Variants in MEF2C observed in about 807,000 individuals in gnomAD.
MEF2C encodes myocyte-specific enhancer factor 2C.
A neutral mutation model predicts 50.5 loss-of-function variants in MEF2C; 6 were observed. That is an observed-to-expected ratio of 0.12 (90% CI 0.07 to 0.23). The LOEUF is 0.23. MEF2C is among the 10% of genes least tolerant of loss of function. MEF2C has a pLI of 1.00. For synonymous variants in MEF2C, 183 were observed against 228.0 expected (o/e 0.80, Z 1.78); for missense variants, 276 against 605.0 (o/e 0.46, Z 5.70).
intron 3 of MEF2C, among the ~76,000 whole-genome samples, chr5:88,788,474 T>G (rs1792142293): frequency 6.6e-6 from 1 of 151,638 alleles, no homozygotes; most frequent in Non-Finnish European, 1.5e-5. Flanking sequence ...CCTCCCAAAG[T>G]GCTGGGATTA....
chr5:88,873,419 G>A (rs145695351), intron 1 of MEF2C, among the ~76,000 whole-genome samples: 9 of 152,098 alleles, frequency 5.9e-5, no homozygotes, highest in Middle Eastern at 3.4e-3. Context: ...TTGCTTTCAC[G>A]ATACCAAATA....
At chr5:88,800,671 G>C (rs1027390314) in intron 3 of MEF2C, among the ~76,000 whole-genome samples, 12 of 152,144 alleles carry the variant, frequency 7.9e-5, no homozygotes, top group African/African-American at 2.4e-4. Flanking sequence ...GCAGTGAAGG[G>C]GGCAGTTCCT....
At chr5:88,867,962 T>A (rs1243792487) in intron 1 of MEF2C, among the ~76,000 whole-genome samples, 1 of 152,198 alleles carries the variant, frequency 6.6e-6, no homozygotes, top group Non-Finnish European at 1.5e-5. Flanking sequence ...CTGTGAATAA[T>A]ATATATTTTG....
chr5:88,902,257 G>C (rs1003857493), intron 1 of MEF2C, among the ~76,000 whole-genome samples: 3 of 151,520 alleles, frequency 2.0e-5, no homozygotes, highest in African/African-American at 7.3e-5. Flanking sequence ...TCAGGTGTCT[G>C]AATCAATATA....
intron 1 of MEF2C, among the ~76,000 whole-genome samples, chr5:88,879,330 C>T (rs1832084301): frequency 6.6e-6 from 1 of 151,068 alleles, no homozygotes; most frequent in Non-Finnish European, 1.5e-5. Context: ...CTCAAAACAT[C>T]ATATTCTGTT....
At chr5:88,901,169 CACTT>C (rs1258323775) in intron 1 of MEF2C, among the ~76,000 whole-genome samples, 1 of 151,852 alleles carries the variant, frequency 6.6e-6, no homozygotes. Context: ...AATGATTCCC[CACTT>C]ACTTGTTTTT....
intron 2 of MEF2C, among the ~76,000 whole-genome samples, chr5:88,809,705 G>A (rs1047056795): frequency 2.0e-5 from 3 of 151,924 alleles, no homozygotes; most frequent in Admixed American, 6.6e-5. Flanking sequence ...AATAATAGTA[G>A]ATGTAAATTC....
chr5:88,778,829 C>G (rs984824788), intron 3 of MEF2C, among the ~76,000 whole-genome samples: 1 of 152,214 alleles, frequency 6.6e-6, no homozygotes, highest in Admixed American at 6.5e-5. Context: ...TGCAGAAGAG[C>G]TTCAAGAACC....
intron 1 of MEF2C, among the ~76,000 whole-genome samples, chr5:88,882,534 G>GA (rs1481113481): frequency 1.3e-5 from 2 of 152,152 alleles, no homozygotes; most frequent in African/African-American, 4.8e-5. Flanking sequence ...TCTTTGGGGG[G>GA]ACTCATGGGA....
intron 1 of MEF2C, among the ~76,000 whole-genome samples, chr5:88,850,105 G>A (rs200185181): frequency 6.7e-6 from 1 of 150,302 alleles, no homozygotes; most frequent in African/African-American, 2.4e-5. Flanking sequence ...CCCATAACAG[G>A]CCCCGGTGTG....
intron 1 of MEF2C, chr5:88,839,560 A>G (rs1229073965): frequency 6.6e-6 from 1 of 152,136 alleles, no homozygotes; most frequent in Non-Finnish European, 1.5e-5. Flanking sequence ...AAGTGAAGAC[A>G]CCTCTAGGAT....
At chr5:88,883,999 T>C (rs962050318), upstream of MEF2C, among the ~76,000 whole-genome samples, 1 of 152,234 alleles carries the variant, frequency 6.6e-6, no homozygotes. Context: ...AGTTTTACGG[T>C]GGGGTAATAG....
At chr5:88,829,140 C>T (rs1812051613) in intron 1 of MEF2C, among the ~76,000 whole-genome samples, 1 of 151,810 alleles carries the variant, frequency 6.6e-6, no homozygotes, top group East Asian at 1.9e-4. Context: ...AACATAGTAC[C>T]ACATATACAA....
chr5:88,784,885 T>C (rs1200324847), intron 3 of MEF2C, among the ~76,000 whole-genome samples: 1 of 152,174 alleles, frequency 6.6e-6, no homozygotes, highest in Non-Finnish European at 1.5e-5. Flanking sequence ...TGGTAATTAC[T>C]AATACACCAC....
At chr5:88,804,865 T>G in intron 2 of MEF2C, 64 bp from the exon 3 acceptor site, 1 of 1,328,944 alleles carries the variant, frequency 7.5e-7, no homozygotes, top group Non-Finnish European at 1.0e-6. Flanking sequence ...TTTTTTTCTT[T>G]TCTTTTTTCT....
Position 88,718,049 on chromosome 5 carries a change from A to G in MEF2C, c.*4555T>C, listed in dbSNP as rs1014151136. 7.9e-5 allele frequency: 12 copies of G among 152,142 alleles called. No homozygotes were observed. The highest frequency in any genetic ancestry group is 2.7e-4 in the African/African-American group (11 of 41,442). 9.4% of individuals were successfully genotyped at this position (152,142 alleles called of 1,614,324 possible). A position where few individuals can be genotyped will look rare whatever the true frequency, so the allele number is the denominator to read the frequency against. On this transcript the variant is annotated 3_prime_UTR_variant, in exon 11 of 11. Coordinates refer to ENST00000504921, the MANE Select transcript of MEF2C (RefSeq NM_002397.5). ...CACTGGCTGAATTCTGTAATACCCT[A>G]AGAACCGTCATCCAATTCACACCCC... is the stretch of plus-strand genomic sequence containing the variant.
chr5:88,803,587 G>A (rs1309165998), intron 3 of MEF2C, among the ~76,000 whole-genome samples: 1 of 152,134 alleles, frequency 6.6e-6, no homozygotes, highest in Non-Finnish European at 1.5e-5. Flanking sequence ...CACAATCTAG[G>A]GAAGCCAGAG....
intron 1 of MEF2C, among the ~76,000 whole-genome samples, chr5:88,832,167 G>A (rs1290947313): frequency 6.6e-5 from 10 of 152,114 alleles, no homozygotes; most frequent in Admixed American, 3.9e-4. Flanking sequence ...AGGTACTAGC[G>A]AAAAAGAATC....
chr5:88,811,331 TAGAA>T (rs1802708207), intron 2 of MEF2C, among the ~76,000 whole-genome samples: 2 of 152,094 alleles, frequency 1.3e-5, no homozygotes, highest in Admixed American at 6.6e-5. Flanking sequence ...TGTTGAAAAT[TAGAA>T]AGAGATTCAA....
Sources: allele counts gnomAD v4.1 joint callset (sites outside exome capture counted in the v4.1 genomes callset), GRCh38; gene constraint gnomAD v4.1.1; transcripts MANE v1.5; gene names NCBI Gene and HGNC (gene_info 2026-07-23, HGNC 2026-07-21).